The following LARGE1 variants were observed in gnomAD, a reference collection of about 807,000 sequenced individuals.
LARGE1 encodes xylosyl- and glucuronyltransferase LARGE1.
Under a neutral mutation model 87.6 loss-of-function variants are expected in LARGE1, and 43 were observed. The ratio of observed to expected loss-of-function variants is 0.49; its 90% CI spans 0.38 to 0.63. The LOEUF (loss-of-function observed/expected upper bound fraction) is 0.63, where lower values mean the gene tolerates loss of function less well. Among genes scored for constraint, LARGE1 ranks in the 30% least tolerant of loss-of-function variants. The pLI is 0.00. For synonymous variants in LARGE1, 434 were observed against 394.6 expected, an observed-to-expected ratio of 1.10 and a Z score of -1.18; for missense variants, 802 against 1,000.2, an observed-to-expected ratio of 0.80 and a Z score of 2.67.
intron 6 of LARGE1, among the ~76,000 whole-genome samples, chr22:33,506,695 G>A (rs1602163022): frequency 6.6e-6 from 1 of 152,168 alleles, no homozygotes; most frequent in East Asian, 1.9e-4. Context: ...GAGGTCAGGA[G>A]TTCGAGACCA....
At chr22:33,291,593 A>G (rs1176496809) in intron 12 of LARGE1, among the ~76,000 whole-genome samples, 1 of 152,062 alleles carries the variant, frequency 6.6e-6, no homozygotes, top group Admixed American at 6.6e-5. Context: ...ACATTAATGC[A>G]TAATGTATTC....
intron 1 of LARGE1, among the ~76,000 whole-genome samples, chr22:33,790,721 TCCTA>T (rs1426918025): frequency 6.6e-6 from 1 of 152,154 alleles, no homozygotes; most frequent in Non-Finnish European, 1.5e-5. Context: ...TTTAAATGTA[TCCTA>T]CCTGTCACAA....
At chr22:33,592,060 G>A (rs963736696) in intron 5 of LARGE1, among the ~76,000 whole-genome samples, 25 of 123,320 alleles carry the variant, frequency 2.0e-4, no homozygotes, top group Non-Finnish European at 4.1e-4. Context: ...AAAGAGGAGA[G>A]GAGAAGGGAG....
At chr22:33,748,834 G>A (rs1462629718) in intron 2 of LARGE1, among the ~76,000 whole-genome samples, 3 of 152,196 alleles carry the variant, frequency 2.0e-5, no homozygotes, top group Non-Finnish European at 4.4e-5. Context: ...CACAGCTGCA[G>A]TATGTTAGGA....
intron 1 of LARGE1, among the ~76,000 whole-genome samples, chr22:33,901,972 G>A (rs1259266462): frequency 6.6e-6 from 1 of 152,148 alleles, no homozygotes; most frequent in Non-Finnish European, 1.5e-5. Context: ...TCTAAACAGA[G>A]ACAGACCAGA....
intron 6 of LARGE1, among the ~76,000 whole-genome samples, chr22:33,520,058 G>T (rs1481989140): frequency 2.8e-5 from 4 of 143,072 alleles, no homozygotes; most frequent in Non-Finnish European, 4.5e-5. Context: ...AGGCTGGAGT[G>T]CGGTGGTGTG....
rs778063005 is a variant in LARGE1 at position 33,273,629 on chromosome 22, C to T, written c.*798G>A. 2.2e-4 allele frequency: 86 copies of T among 398,750 alleles called. No homozygotes were observed. Among genetic ancestry groups the T allele is most frequent in the Non-Finnish European group, 3.5e-4 (80 of 226,310 alleles). The allele number at this position is 398,750 out of a possible 1,614,324, so 24.7% of individuals were successfully genotyped here. ...AGGGAGTTCAAAGTCACGGGAGCCTCGGTGATCATCCTGAAGGAAGCTGCC... is the reference window on the plus strand; with the variant it reads ...AGGGAGTTCAAAGTCACGGGAGCCTTGGTGATCATCCTGAAGGAAGCTGCC... On this transcript the variant is annotated 3_prime_UTR_variant, in exon 15 of 15. Transcript: ENST00000397394.
chr22:33,174,799 T>C (rs150238558), intron 11 of LARGE1, among the ~76,000 whole-genome samples: 25,412 of 152,128 alleles, frequency 0.17, 2,274 homozygotes, highest in South Asian at 0.32. Context: ...CAGGAAGAAG[T>C]TGAATCCCTG....
chr22:33,652,123 C>G lies in LARGE1; in HGVS notation c.107-1455G>C, dbSNP rs147501281. Among the ~76,000 whole-genome samples the G allele has an allele frequency of 9.1e-3, 1,392 of 152,212 alleles. 67 individuals carry two copies. Among genetic ancestry groups the G allele is most frequent in the Admixed American group, 0.08 (1,222 of 15,288 alleles). On this transcript the variant is annotated intron_variant, in intron 2 of 14. Transcript: ENST00000397394. ...CCCTGGAGGCAGGGGTTGCAGTAAG[C>G]CGAGATTGCACCACTGCATTCCAGC...
intron 3 of LARGE1, among the ~76,000 whole-genome samples, chr22:33,649,443 A>T (rs2080724061): frequency 6.6e-6 from 1 of 152,248 alleles, no homozygotes; most frequent in East Asian, 1.9e-4. Flanking sequence ...AACTAAGAAT[A>T]GTAAAAACTA....
the LARGE1 span, among the ~76,000 whole-genome samples, chr22:33,123,599 C>G: frequency 6.6e-6 from 1 of 152,080 alleles, no homozygotes; most frequent in Non-Finnish European, 1.5e-5. Flanking sequence ...ATTACAAAAG[C>G]CAATTATGAG....
chr22:33,411,710 T>C lies in LARGE1; in HGVS notation c.892+20451A>G, dbSNP rs375369092. ...TATCTATGTATGGTATTGTTTATAATTGAGGGGAAAACCTAGGTACAGCTA... is the reference window on the plus strand; with the variant it reads ...TATCTATGTATGGTATTGTTTATAACTGAGGGGAAAACCTAGGTACAGCTA... On this transcript the variant is annotated intron_variant, in intron 7 of 14. Coordinates refer to ENST00000397394, the MANE Select transcript of LARGE1 (RefSeq NM_133642.5). Among the ~76,000 whole-genome samples, 5 of 152,116 alleles carry C rather than the reference T, an allele frequency of 3.3e-5. No individual in the cohort carries two copies. In the East Asian group the frequency reaches 5.8e-4, roughly 18 times the overall value.
intron 1 of LARGE1, among the ~76,000 whole-genome samples, chr22:33,812,775 T>A (rs1012372448): frequency 1.3e-5 from 2 of 152,184 alleles, no homozygotes; most frequent in Non-Finnish European, 2.9e-5. Context: ...TCTTCACAGT[T>A]TATTTGCTCA....
At chr22:33,321,902 T>C (rs1276603525) in intron 10 of LARGE1, among the ~76,000 whole-genome samples, 1 of 152,126 alleles carries the variant, frequency 6.6e-6, no homozygotes, top group South Asian at 2.1e-4. Flanking sequence ...CACTGCAACC[T>C]CTGCCTCCCG....
chr22:33,382,068 C>A, intron 8 of LARGE1, 24 bp from the exon 9 acceptor site: 1 of 1,613,738 alleles, frequency 6.2e-7, no homozygotes, highest in Non-Finnish European at 8.5e-7. Flanking sequence ...GCCAAAGACA[C>A]AGTCAAGACA....
the LARGE1 span, among the ~76,000 whole-genome samples, chr22:33,146,626 A>G: frequency 6.6e-6 from 1 of 152,188 alleles, no homozygotes; most frequent in Non-Finnish European, 1.5e-5. Flanking sequence ...AAAGCCACAT[A>G]TTCCATGGTG....
chr22:33,280,449 C>A (rs965481166), intron 13 of LARGE1, among the ~76,000 whole-genome samples: 3 of 152,040 alleles, frequency 2.0e-5, no homozygotes, highest in African/African-American at 7.2e-5. Context: ...TGGTCATCCA[C>A]CTTTAGAATC....
At chr22:33,369,871 A>C (rs999320424) in intron 9 of LARGE1, among the ~76,000 whole-genome samples, 1 of 152,016 alleles carries the variant, frequency 6.6e-6, no homozygotes, top group African/African-American at 2.4e-5. Flanking sequence ...GCCTGGCCTA[A>C]ATCAGTTGAC....
At chr22:33,758,011 C>T (rs564515838) in intron 2 of LARGE1, among the ~76,000 whole-genome samples, 4 of 152,116 alleles carry the variant, frequency 2.6e-5, no homozygotes, top group South Asian at 2.1e-4. Context: ...CTCCCTCCCA[C>T]GATACTGGAC....
Sources: allele counts gnomAD v4.1 joint callset (sites outside exome capture counted in the v4.1 genomes callset), GRCh38; gene constraint gnomAD v4.1.1; transcripts MANE v1.5; gene names NCBI Gene and HGNC (gene_info 2026-07-23, HGNC 2026-07-21).